Variants in DYNLL1 observed in about 807,000 individuals in gnomAD.
DYNLL1 encodes dynein light chain LC8-type 1, also known as dynein light chain 1, cytoplasmic.
DYNLL1 carries 3 observed loss-of-function variants against 10.1 expected under a neutral mutation model. That is an observed-to-expected ratio of 0.30 (90% CI 0.14 to 0.77). The LOEUF (loss-of-function observed/expected upper bound fraction) is 0.77, where lower values mean the gene tolerates loss of function less well. DYNLL1 is among the 30% of genes least tolerant of loss of function. The pLI is 0.66. For missense variants in DYNLL1, 47 were observed against 111.7 expected (o/e 0.42, Z 2.61); for synonymous variants, 46 against 41.2 (o/e 1.12, Z -0.45).
chr12:120,485,697 C>G (rs1878978166), intron 1 of DYNLL1, among the ~76,000 whole-genome samples: 1 of 151,578 alleles, frequency 6.6e-6, no homozygotes, highest in South Asian at 2.1e-4. Flanking sequence ...AAAAATTAGC[C>G]AGGTGTGGTG....
chr12:120,486,404 A>AG (rs1167249727), intron 1 of DYNLL1, among the ~76,000 whole-genome samples: 11 of 151,904 alleles, frequency 7.2e-5, no homozygotes, highest in African/African-American at 2.4e-4. Context: ...TTACCGAGAG[A>AG]GAAAAACAAC....
intron 1 of DYNLL1, among the ~76,000 whole-genome samples, chr12:120,481,047 C>A (rs1375090683): frequency 6.6e-6 from 1 of 152,184 alleles, no homozygotes; most frequent in Non-Finnish European, 1.5e-5. Context: ...GCGTGAGCCA[C>A]CATGCCCGGC....
At chr12:120,491,380 G>C, upstream of DYNLL1, 1 of 152,664 alleles carries the variant, frequency 6.6e-6, no homozygotes, top group Non-Finnish European at 1.5e-5. Context: ...CCATGGGGTG[G>C]AAGCTTCCGG....
intron 1 of DYNLL1, among the ~76,000 whole-genome samples, chr12:120,471,592 G>C (rs558393142): frequency 1.1e-4 from 16 of 151,962 alleles, no homozygotes; most frequent in Admixed American, 3.9e-4. Context: ...CTTCGATCTT[G>C]TAATTCTGCT....
At chr12:120,480,513 T>G (rs1315659404) in intron 1 of DYNLL1, among the ~76,000 whole-genome samples, 1 of 152,170 alleles carries the variant, frequency 6.6e-6, no homozygotes, top group Non-Finnish European at 1.5e-5. Context: ...ATCTGCTGTC[T>G]GGAAGCCTGT....
upstream of DYNLL1, among the ~76,000 whole-genome samples, chr12:120,494,530 C>T (rs1312684196): frequency 6.6e-6 from 1 of 152,140 alleles, no homozygotes; most frequent in Non-Finnish European, 1.5e-5. Context: ...CCCGCCTCGG[C>T]CTCCCAAAGT....
chr12:120,470,534 A>G (rs1423950634), intron 1 of DYNLL1, among the ~76,000 whole-genome samples: 1 of 152,096 alleles, frequency 6.6e-6, no homozygotes, highest in Non-Finnish European at 1.5e-5. Flanking sequence ...TGGCGCGAAC[A>G]CGGCTCACTG....
chr12:120,475,970 T>C (rs1314596262), intron 1 of DYNLL1, among the ~76,000 whole-genome samples: 1 of 152,166 alleles, frequency 6.6e-6, no homozygotes, highest in Non-Finnish European at 1.5e-5. Flanking sequence ...GTTCACCAAA[T>C]TTCATTTCCT....
chr12:120,479,106 G>A (rs904553847), intron 1 of DYNLL1, among the ~76,000 whole-genome samples: 2 of 150,944 alleles, frequency 1.3e-5, no homozygotes, highest in African/African-American at 4.9e-5. Flanking sequence ...AGAGGTTGCA[G>A]CGAGTCGAGA....
upstream of DYNLL1, chr12:120,494,000 CAG>C (rs1309304051): frequency 3.3e-5 from 5 of 151,894 alleles, no homozygotes; most frequent in East Asian, 1.9e-4. Flanking sequence ...TAAATAATAA[CAG>C]GGGTAGTGTA....
intron 1 of DYNLL1, among the ~76,000 whole-genome samples, chr12:120,483,831 C>CTGTT (rs1878936488): frequency 6.6e-6 from 1 of 152,096 alleles, no homozygotes; most frequent in Non-Finnish European, 1.5e-5. Context: ...GGGAAACAAA[C>CTGTT]AGAGGAGCCT....
intron 1 of DYNLL1, among the ~76,000 whole-genome samples, chr12:120,476,446 C>G (rs988084629): frequency 3.9e-5 from 6 of 152,130 alleles, no homozygotes; most frequent in Non-Finnish European, 7.3e-5. Context: ...CCCCCTCAGC[C>G]AGCACATGTG....
At chr12:120,487,410 C>T (rs754134284) in intron 1 of DYNLL1, among the ~76,000 whole-genome samples, 1 of 149,622 alleles carries the variant, frequency 6.7e-6, no homozygotes, top group East Asian at 2.0e-4. Context: ...CATTCTCCTG[C>T]CTCAGCCTCC....
chr12:120,489,963 G>A (rs1484859983), intron 1 of DYNLL1, among the ~76,000 whole-genome samples: 14 of 152,186 alleles, frequency 9.2e-5, no homozygotes, highest in Admixed American at 9.2e-4. Context: ...GCCCAGGCTG[G>A]TCCCGAACTC....
At chr12:120,497,925 G>A in intron 2 of DYNLL1, 148 bp from the exon 3 acceptor site, 1 of 750,134 alleles carries the variant, frequency 1.3e-6, no homozygotes, top group Non-Finnish European at 2.1e-6. Context: ...TATGTAGGCG[G>A]CTTGGAGCTG....
chr12:120,483,423 G>C (rs560024204), intron 1 of DYNLL1, among the ~76,000 whole-genome samples: 19 of 152,038 alleles, frequency 1.2e-4, no homozygotes, highest in African/African-American at 3.9e-4. Context: ...GCTCATTAAT[G>C]TGCTTAAATT....
At chr12:120,488,351 T>C (rs993953792) in intron 1 of DYNLL1, among the ~76,000 whole-genome samples, 1 of 152,066 alleles carries the variant, frequency 6.6e-6, no homozygotes, top group Non-Finnish European at 1.5e-5. Context: ...CTTGTATAGA[T>C]TGTTCCTCTA....
chr12:120,475,958 A>G (rs1878743509), intron 1 of DYNLL1, among the ~76,000 whole-genome samples: 1 of 152,218 alleles, frequency 6.6e-6, no homozygotes, highest in South Asian at 2.1e-4. Context: ...TGAGCTCATC[A>G]GGTTCACCAA....
At chr12:120,477,491 G>A (rs574608024) in intron 1 of DYNLL1, among the ~76,000 whole-genome samples, 2 of 152,030 alleles carry the variant, frequency 1.3e-5, no homozygotes, top group Non-Finnish European at 2.9e-5. Context: ...ACAGTCAGGC[G>A]TGGTGGCTCA....
Sources: allele counts gnomAD v4.1 joint callset (sites outside exome capture counted in the v4.1 genomes callset), GRCh38; gene constraint gnomAD v4.1.1; transcripts MANE v1.5; gene names NCBI Gene and HGNC (gene_info 2026-07-23, HGNC 2026-07-21).